The following MTREX variants were observed in gnomAD, a reference collection of about 807,000 sequenced individuals.
MTREX encodes the protein exosome RNA helicase MTR4.
In MTREX, 76 loss-of-function variants were observed where a neutral mutation model predicts 135.4. The ratio of observed to expected loss-of-function variants is 0.56; its 90% CI spans 0.47 to 0.68. The LOEUF (loss-of-function observed/expected upper bound fraction) is 0.68. MTREX is among the 30% of genes least tolerant of loss of function. The probability of loss-of-function intolerance (pLI) is 0.00; values close to 1 mark genes in which losing one functional copy is unlikely to be tolerated. For synonymous variants in MTREX, 404 were observed against 401.6 expected (o/e 1.01, Z -0.07); for missense variants, 920 against 1,262.1 (o/e 0.73, Z 4.11).
chr5:55,409,607 A>G (rs1482933924), intron 22 of MTREX, among the ~76,000 whole-genome samples: 1 of 152,256 alleles, frequency 6.6e-6, no homozygotes, highest in Non-Finnish European at 1.5e-5. Flanking sequence ...TCCTCTCAAC[A>G]AAATCAAGTT....
intron 26 of MTREX, 108 bp downstream of exon 26, chr5:55,423,090 A>G (rs1751080403): frequency 1.3e-6 from 1 of 775,028 alleles, no homozygotes; most frequent in Non-Finnish European, 2.2e-6. Context: ...TCTTCACTGC[A>G]TTGTCATGGA....
At chr5:55,320,421 G>C (rs1292026690) in intron 1 of MTREX, among the ~76,000 whole-genome samples, 5 of 152,062 alleles carry the variant, frequency 3.3e-5, no homozygotes, top group African/African-American at 4.8e-5. Context: ...GTTTCACCGT[G>C]TTAGCCAGGA....
chr5:55,349,715 C>A, intron 12 of MTREX, 63 bp downstream of exon 12: 1 of 896,500 alleles, frequency 1.1e-6, no homozygotes, highest in Non-Finnish European at 1.8e-6. Context: ...ATTCACTTTA[C>A]ATTGCTTGGT....
At chr5:55,323,308 A>G (rs1418666944) in intron 2 of MTREX, among the ~76,000 whole-genome samples, 1 of 152,254 alleles carries the variant, frequency 6.6e-6, no homozygotes, top group Non-Finnish European at 1.5e-5. Flanking sequence ...TACGATAAGT[A>G]AGATAATAAT....
At chr5:55,308,621 C>CCA (rs1361327689) in intron 1 of MTREX, among the ~76,000 whole-genome samples, 1 of 152,092 alleles carries the variant, frequency 6.6e-6, no homozygotes. Flanking sequence ...ATAGTGCCTA[C>CCA]CACTGGTGGA....
intron 15 of MTREX, among the ~76,000 whole-genome samples, chr5:55,365,493 A>G (rs1193651116): frequency 2.0e-5 from 3 of 152,198 alleles, no homozygotes; most frequent in Non-Finnish European, 4.4e-5. Context: ...TCTGGATTTC[A>G]TAAGGTTGTC....
intron 16 of MTREX, among the ~76,000 whole-genome samples, chr5:55,372,892 ATGTGTGTGTGTGTGTGTGTGTGTGTG>A (rs59026723): frequency 5.0e-5 from 6 of 120,914 alleles, no homozygotes; most frequent in African/African-American, 1.2e-4. Context: ...TAAAACTGTA[ATGTGTGTGTGTGTGTGTGTGTGTGTG>A]TGTGTGTGTG....
chr5:55,378,262 AT>A (rs1273745820), intron 16 of MTREX, 51 bp from the exon 17 acceptor site: 1 of 1,502,152 alleles, frequency 6.7e-7, no homozygotes, highest in East Asian at 2.4e-5. Flanking sequence ...CTTGGGTATA[AT>A]TTAAATAAGA....
At chr5:55,411,645 A>C (rs1750885489) in intron 23 of MTREX, among the ~76,000 whole-genome samples, 1 of 152,164 alleles carries the variant, frequency 6.6e-6, no homozygotes, top group Admixed American at 6.5e-5. Flanking sequence ...CACAGCTGTT[A>C]GTGGCAATGA....
chr5:55,310,884 C>T (rs1446132949), intron 1 of MTREX, among the ~76,000 whole-genome samples: 1 of 152,084 alleles, frequency 6.6e-6, no homozygotes, highest in African/African-American at 2.4e-5. Context: ...CTCAAGCATT[C>T]CTCCCACCTC....
chr5:55,346,599 A>G (rs1425170385), intron 10 of MTREX, among the ~76,000 whole-genome samples: 2 of 152,028 alleles, frequency 1.3e-5, no homozygotes, highest in Non-Finnish European at 2.9e-5. Flanking sequence ...GATGTTGAAC[A>G]TTTTTTCATG....
chr5:55,402,820 A>ATG (rs1301938800), intron 21 of MTREX, among the ~76,000 whole-genome samples: 5 of 33,754 alleles, frequency 1.5e-4, no homozygotes, highest in Admixed American at 9.0e-4. Flanking sequence ...TAAGCACATT[A>ATG]TATGTGTGTG....
chr5:55,423,809 T>G (rs1222764197), intron 26 of MTREX: 1 of 152,172 alleles, frequency 6.6e-6, no homozygotes, highest in East Asian at 1.9e-4. Context: ...TCAAAGAATA[T>G]AACCACATTG....
chr5:55,342,851 C>G (rs899410320), intron 7 of MTREX, among the ~76,000 whole-genome samples: 1 of 152,000 alleles, frequency 6.6e-6, no homozygotes, highest in African/African-American at 2.4e-5. Flanking sequence ...CAAACTTTTT[C>G]CGTTTTAATA....
At chr5:55,390,376 C>T (rs1215789421) in intron 19 of MTREX, among the ~76,000 whole-genome samples, 2 of 152,172 alleles carry the variant, frequency 1.3e-5, no homozygotes, top group Non-Finnish European at 2.9e-5. Flanking sequence ...GCTGGGATTA[C>T]GTGCATGAGC....
chr5:55,361,918 T>TTG (rs1554032680), intron 15 of MTREX, among the ~76,000 whole-genome samples: 56 of 119,308 alleles, frequency 4.7e-4, no homozygotes, highest in African/African-American at 1.9e-3. Context: ...GTTTGTTTGT[T>TTG]TTTGTTTTTG....
chr5:55,328,673 C>T, intron 4 of MTREX, 26 bp from the exon 5 acceptor site: 1 of 1,465,588 alleles, frequency 6.8e-7, no homozygotes, highest in Non-Finnish European at 9.6e-7. Context: ...TGTTTTTATG[C>T]AGATATTAAT....
chr5:55,366,095 AC>A (rs1750099726), intron 15 of MTREX, among the ~76,000 whole-genome samples: 1 of 152,192 alleles, frequency 6.6e-6, no homozygotes, highest in Non-Finnish European at 1.5e-5. Flanking sequence ...GCATTATTCT[AC>A]AATAAAATTC....
chr5:55,400,544 A>T, intron 21 of MTREX, 123 bp downstream of exon 21: 1 of 623,784 alleles, frequency 1.6e-6, no homozygotes, highest in Non-Finnish European at 2.7e-6. Flanking sequence ...GCTATCTTTT[A>T]AATAAACTGT....
Sources: allele counts gnomAD v4.1 joint callset (sites outside exome capture counted in the v4.1 genomes callset), GRCh38; gene constraint gnomAD v4.1.1; transcripts MANE v1.5; gene names NCBI Gene and HGNC (gene_info 2026-07-23, HGNC 2026-07-21).